The following KHDRBS2 variants were observed in gnomAD, a reference collection of about 807,000 sequenced individuals.
The protein encoded by KHDRBS2 is KH RNA binding domain containing, signal transduction associated 2, also known as KH domain-containing, RNA-binding, signal transduction-associated protein 2.
KHDRBS2 carries 26 observed loss-of-function variants against 44.3 expected under a neutral mutation model. The observed-to-expected ratio is 0.59, with a 90% CI of 0.43 to 0.81. The LOEUF is 0.81. Ranked by LOEUF, KHDRBS2 falls within the 40% of genes least tolerant of loss-of-function variation. The pLI is 0.00. For synonymous variants in KHDRBS2, 194 were observed against 151.1 expected (o/e 1.28, Z -2.08); for missense variants, 476 against 433.1 (o/e 1.10, Z -0.88).
the KHDRBS2 span, among the ~76,000 whole-genome samples, chr6:61,570,185 G>T: frequency 6.6e-6 from 1 of 151,990 alleles, no homozygotes; most frequent in East Asian, 1.9e-4. Context: ...AATCAATACA[G>T]GATATGGATG....
chr6:61,715,365 C>CT (rs1213223357), intron 7 of KHDRBS2, among the ~76,000 whole-genome samples: 2 of 151,960 alleles, frequency 1.3e-5, no homozygotes, highest in South Asian at 4.1e-4. Context: ...CCCAATACCA[C>CT]TTTTTTTCTT....
intron 1 of KHDRBS2, among the ~76,000 whole-genome samples, chr6:62,213,557 A>G: frequency 6.6e-6 from 1 of 152,138 alleles, no homozygotes. Context: ...TCATGGGGAA[A>G]GAAGAAACCA....
intron 3 of KHDRBS2, among the ~76,000 whole-genome samples, chr6:61,983,239 T>TTCTTTCTTTCTTTCTTTC (rs1774321913): frequency 2.4e-5 from 2 of 83,186 alleles, no homozygotes; most frequent in Non-Finnish European, 5.1e-5. Context: ...TTTCTTTCTT[T>TTCTTTCTTTCTTTCTTTC]TTTTTTTTTT....
At chr6:61,956,109 A>G (rs2127389963) in intron 4 of KHDRBS2, among the ~76,000 whole-genome samples, 1 of 152,000 alleles carries the variant, frequency 6.6e-6, no homozygotes, top group African/African-American at 2.4e-5. Flanking sequence ...CAGGAGAATC[A>G]CTTGAACCCG....
At chr6:61,644,758 T>C in the KHDRBS2 span, among the ~76,000 whole-genome samples, 3 of 152,102 alleles carry the variant, frequency 2.0e-5, no homozygotes, top group African/African-American at 7.2e-5. Context: ...AATAAAGAGA[T>C]ACCATCTTAT....
downstream of KHDRBS2, among the ~76,000 whole-genome samples, chr6:61,675,768 TAGTC>T (rs1359719646): frequency 1.4e-4 from 21 of 152,008 alleles, no homozygotes; most frequent in African/African-American, 4.3e-4. Flanking sequence ...TTTGTTTAGT[TAGTC>T]TGATTGTCTA....
chr6:61,620,571 A>G, the KHDRBS2 span, among the ~76,000 whole-genome samples: 1 of 152,206 alleles, frequency 6.6e-6, no homozygotes, highest in Non-Finnish European at 1.5e-5. Context: ...CAAAAGGGAA[A>G]CAATAACATT....
At chr6:61,555,186 G>A in the KHDRBS2 span, among the ~76,000 whole-genome samples, 2 of 152,106 alleles carry the variant, frequency 1.3e-5, no homozygotes, top group Admixed American at 6.5e-5. Context: ...ATATTATTCA[G>A]AAGTTTTGTT....
At position 61,702,432 on chromosome 6, in the gene KHDRBS2, T is replaced by C. The variant is rs534977794; in HGVS notation, c.894-5179A>G. On this transcript the variant is annotated intron_variant, in intron 7 of 8. Transcript: ENST00000281156. Reference sequence around the variant, plus strand: ...ATGTAGGAGAGATAAACTTTTCTCTTGTTTGAGCCACTGAATTGTGAGACA... The same window carrying C: ...ATGTAGGAGAGATAAACTTTTCTCTCGTTTGAGCCACTGAATTGTGAGACA... Among the ~76,000 whole-genome samples the C allele has an allele frequency of 1.1e-4, 16 of 152,046 alleles. No individual in the cohort carries two copies. The East Asian group carries it at 2.3e-3, about 22-fold the overall frequency.
At chr6:62,017,627 G>T (rs983156839) in intron 3 of KHDRBS2, among the ~76,000 whole-genome samples, 2 of 151,968 alleles carry the variant, frequency 1.3e-5, no homozygotes, top group Non-Finnish European at 2.9e-5. Flanking sequence ...AAAATGAGAT[G>T]ATCTTTTTTC....
chr6:61,766,766 G>A (rs1450965822), intron 6 of KHDRBS2, among the ~76,000 whole-genome samples: 2 of 152,074 alleles, frequency 1.3e-5, no homozygotes, highest in Non-Finnish European at 2.9e-5. Context: ...TGGATGTATA[G>A]TTTTAAAAGT....
chr6:61,705,695 T>C (rs1024187), intron 7 of KHDRBS2, among the ~76,000 whole-genome samples: 126,641 of 151,598 alleles, frequency 0.84, 53,349 homozygotes, highest in Non-Finnish European at 0.9. Context: ...TGTGAGCTCC[T>C]CTCTACATTT....
chr6:61,760,638 A>T (rs1284997606), intron 6 of KHDRBS2, among the ~76,000 whole-genome samples: 1 of 152,096 alleles, frequency 6.6e-6, no homozygotes, highest in Non-Finnish European at 1.5e-5. Flanking sequence ...TCTCAAGCAG[A>T]AAAAAGGAAA....
intron 6 of KHDRBS2, among the ~76,000 whole-genome samples, chr6:61,797,522 G>A (rs4710493): frequency 0.16 from 24,338 of 151,878 alleles, 2,454 homozygotes; most frequent in East Asian, 0.29. Flanking sequence ...CAAGTACCAG[G>A]CCTCTGCAAA....
intron 4 of KHDRBS2, among the ~76,000 whole-genome samples, chr6:61,966,363 C>A (rs1278222708): frequency 6.6e-6 from 1 of 151,270 alleles, no homozygotes; most frequent in African/African-American, 2.5e-5. Flanking sequence ...CATTTTAATG[C>A]AATTTTAGTT....
At chr6:62,148,127 T>G (rs1443373906) in intron 2 of KHDRBS2, among the ~76,000 whole-genome samples, 1 of 152,060 alleles carries the variant, frequency 6.6e-6, no homozygotes, top group Admixed American at 6.6e-5. Context: ...TTGGTGTAAC[T>G]GGATTATTCT....
intron 1 of KHDRBS2, among the ~76,000 whole-genome samples, chr6:62,190,019 G>A (rs1241512735): frequency 3.9e-5 from 6 of 152,060 alleles, no homozygotes; most frequent in African/African-American, 1.4e-4. Context: ...GAGTGGGAGA[G>A]AGGAAGGAAG....
intron 2 of KHDRBS2, among the ~76,000 whole-genome samples, chr6:62,108,030 A>T (rs1448433344): frequency 6.6e-6 from 1 of 152,198 alleles, no homozygotes; most frequent in Non-Finnish European, 1.5e-5. Flanking sequence ...GGACATAGGC[A>T]TGGGCAAGGA....
At chr6:62,065,662 T>C (rs1354489735) in intron 2 of KHDRBS2, among the ~76,000 whole-genome samples, 3 of 140,786 alleles carry the variant, frequency 2.1e-5, no homozygotes, top group Non-Finnish European at 4.6e-5. Context: ...AGGGATAGCA[T>C]TGGGAGATAT....
Sources: allele counts gnomAD v4.1 joint callset (sites outside exome capture counted in the v4.1 genomes callset), GRCh38; gene constraint gnomAD v4.1.1; transcripts MANE v1.5; gene names NCBI Gene and HGNC (gene_info 2026-07-23, HGNC 2026-07-21).